The following SLC10A7 variants were observed in gnomAD, a reference collection of about 807,000 sequenced individuals.
SLC10A7 encodes the protein solute carrier family 10 member 7.
Under a neutral mutation model 43.2 loss-of-function variants are expected in SLC10A7, and 29 were observed. The observed-to-expected ratio is 0.67, with a 90% CI of 0.50 to 0.92. SLC10A7 has a LOEUF of 0.92. Among genes scored for constraint, SLC10A7 ranks in the 40% least tolerant of loss-of-function variants. The pLI, the probability that SLC10A7 is intolerant of heterozygous loss-of-function variation, is 0.00. For missense variants in SLC10A7, 295 were observed against 403.2 expected (o/e 0.73, Z 2.30); for synonymous variants, 152 against 144.8 (o/e 1.05, Z -0.35).
At chr4:146,458,412 T>C (rs927128649) in intron 4 of SLC10A7, among the ~76,000 whole-genome samples, 4 of 151,766 alleles carry the variant, frequency 2.6e-5, no homozygotes, top group African/African-American at 9.7e-5. Context: ...AGTTAGGATG[T>C]CTATTCTTAT....
intron 6 of SLC10A7, among the ~76,000 whole-genome samples, chr4:146,308,183 TG>T (rs1306073008): frequency 6.6e-6 from 1 of 152,132 alleles, no homozygotes; most frequent in Admixed American, 6.6e-5. Flanking sequence ...TGTAATTAAC[TG>T]GGTACATGAA....
intron 5 of SLC10A7, among the ~76,000 whole-genome samples, chr4:146,439,328 T>C (rs1197780847): frequency 6.6e-6 from 1 of 152,112 alleles, no homozygotes; most frequent in Non-Finnish European, 1.5e-5. Flanking sequence ...ATTTTATTTA[T>C]ACCCAGATGC....
intron 5 of SLC10A7, among the ~76,000 whole-genome samples, chr4:146,435,749 A>G (rs1730160083): frequency 6.6e-6 from 1 of 152,204 alleles, no homozygotes; most frequent in Non-Finnish European, 1.5e-5. Flanking sequence ...GCAGTTCTGT[A>G]GTAGGCTGGA....
chr4:146,354,269 G>A (rs912516557), intron 5 of SLC10A7, among the ~76,000 whole-genome samples: 2 of 151,352 alleles, frequency 1.3e-5, no homozygotes, highest in Admixed American at 6.6e-5. Context: ...GCCAAATCAT[G>A]AGTGAACTCC....
rs572523037 is a variant in SLC10A7, at chr4:146,259,300, T to C, written c.848-463A>G. Among the ~76,000 whole-genome samples, 8 of 152,346 alleles carry C rather than the reference T, an allele frequency of 5.3e-5. No homozygotes were observed. The East Asian group carries it at 1.5e-3, about 29-fold the overall frequency. On this transcript the variant is annotated intron_variant, in intron 10 of 11. Transcript: ENST00000335472. ...AGAGTAAAAAAATACGGTAAGATCA[T>C]GTATGGTATACACTGCTATAAGTAG...
At position 146,465,792 on chromosome 4, in the gene SLC10A7, C is replaced by A. The variant is rs74694513; in HGVS notation, c.397-22971G>T. Among the ~76,000 whole-genome samples the A allele has an allele frequency of 2.3e-3, 357 of 152,236 alleles. 3 individuals are homozygous for A. The highest frequency in any genetic ancestry group is 8.2e-3 in the African/African-American group (340 of 41,560). On this transcript the variant is annotated intron_variant, in intron 4 of 11. Coordinates refer to ENST00000335472, the MANE Select transcript of SLC10A7 (RefSeq NM_001029998.6). ...GTCATTCTCTGCAGTTCTTAAAGATCGCAGTTTAACTGAAGTCTTCATCAG... is the reference window on the plus strand; with the variant it reads ...GTCATTCTCTGCAGTTCTTAAAGATAGCAGTTTAACTGAAGTCTTCATCAG...
chr4:146,492,273 G>A (rs1735531787), intron 4 of SLC10A7, among the ~76,000 whole-genome samples: 1 of 151,822 alleles, frequency 6.6e-6, no homozygotes, highest in Non-Finnish European at 1.5e-5. Context: ...TGTAATGCAA[G>A]TAAACTAACA....
At chr4:146,519,171 A>C (rs1284959626) in intron 1 of SLC10A7, among the ~76,000 whole-genome samples, 2 of 136,156 alleles carry the variant, frequency 1.5e-5, no homozygotes, top group Non-Finnish European at 3.1e-5. Context: ...TATATGATAC[A>C]ATAATGTACA....
intron 5 of SLC10A7, among the ~76,000 whole-genome samples, chr4:146,408,954 C>T (rs1727934800): frequency 6.6e-6 from 1 of 152,038 alleles, no homozygotes; most frequent in African/African-American, 2.4e-5. Flanking sequence ...GTTAATCCAG[C>T]AGCTAAGTGG....
At chr4:146,402,903 C>T (rs536799201) in intron 5 of SLC10A7, among the ~76,000 whole-genome samples, 2 of 152,200 alleles carry the variant, frequency 1.3e-5, no homozygotes, top group Non-Finnish European at 1.5e-5. Flanking sequence ...AAGAGCACAG[C>T]TTCAAGAGCC....
intron 5 of SLC10A7, among the ~76,000 whole-genome samples, chr4:146,380,828 T>A (rs1737562567): frequency 6.6e-6 from 1 of 152,120 alleles, no homozygotes; most frequent in Non-Finnish European, 1.5e-5. Flanking sequence ...TCTCTATACT[T>A]ACAAAAACAT....
chr4:146,509,091 C>A (rs183065396), intron 3 of SLC10A7, among the ~76,000 whole-genome samples: 277 of 152,250 alleles, frequency 1.8e-3, no homozygotes, highest in African/African-American at 6.2e-3. Context: ...TAATCAAAAG[C>A]CTGCCCACCC....
chr4:146,484,797 A>G (rs2149993108), intron 4 of SLC10A7, among the ~76,000 whole-genome samples: 1 of 152,360 alleles, frequency 6.6e-6, no homozygotes, highest in Admixed American at 6.5e-5. Context: ...TTGATATATC[A>G]CCACAATGAA....
At chr4:146,505,782 A>G (rs1236669810) in intron 3 of SLC10A7, among the ~76,000 whole-genome samples, 2 of 152,208 alleles carry the variant, frequency 1.3e-5, no homozygotes, top group Non-Finnish European at 1.5e-5. Context: ...CTTAGAGTCT[A>G]CTATCATCAT....
intron 5 of SLC10A7, among the ~76,000 whole-genome samples, chr4:146,355,226 A>C (rs1735486343): frequency 6.6e-6 from 1 of 152,138 alleles, no homozygotes; most frequent in Non-Finnish European, 1.5e-5. Flanking sequence ...AAAGTGGGCA[A>C]AGGACATGAA....
intron 5 of SLC10A7, among the ~76,000 whole-genome samples, chr4:146,432,318 G>A (rs1046819433): frequency 2.0e-5 from 3 of 152,038 alleles, no homozygotes; most frequent in African/African-American, 7.2e-5. Context: ...ACAAGAACCT[G>A]TACAGAAATA....
intron 2 of SLC10A7, among the ~76,000 whole-genome samples, chr4:146,510,348 C>T (rs1737347609): frequency 6.6e-6 from 1 of 151,506 alleles, no homozygotes; most frequent in African/African-American, 2.4e-5. Flanking sequence ...CAACCTCCGT[C>T]CCCCAGTTTC....
At chr4:146,256,744 G>C in intron 11 of SLC10A7, 2 of 1,177,710 alleles carry the variant, frequency 1.7e-6, no homozygotes, top group East Asian at 2.6e-5. Flanking sequence ...CTGGCTACTC[G>C]TATGGTTCCC....
intron 10 of SLC10A7, among the ~76,000 whole-genome samples, chr4:146,274,797 T>C (rs1308744286): frequency 6.6e-6 from 1 of 152,222 alleles, no homozygotes; most frequent in East Asian, 1.9e-4. Flanking sequence ...CTTAGTAGTA[T>C]GTCATAAGTA....
Sources: gnomAD v4.1 joint callset for allele counts (sites outside exome capture counted in the v4.1 genomes callset) on GRCh38, gnomAD v4.1.1 for gene constraint, MANE v1.5 for transcripts, NCBI Gene and HGNC (gene_info 2026-07-23, HGNC 2026-07-21) for gene names.